SENP5: variants seen among roughly 807,000 people sequenced by gnomAD.
The protein encoded by SENP5 is sentrin-specific protease 5.
A neutral mutation model predicts 74.2 loss-of-function variants in SENP5; 21 were observed. The ratio of observed to expected loss-of-function variants is 0.28; its 90% CI spans 0.20 to 0.41. The LOEUF is 0.41. Among genes scored for constraint, SENP5 ranks in the 10% least tolerant of loss-of-function variants. The pLI is 1.00. For missense variants in SENP5, 717 were observed against 889.1 expected, an observed-to-expected ratio of 0.81 and a Z score of 2.46; for synonymous variants, 311 against 312.7, an observed-to-expected ratio of 0.99 and a Z score of 0.06.
intron 7 of SENP5, among the ~76,000 whole-genome samples, chr3:196,924,638 G>A (rs533403516): frequency 2.0e-5 from 3 of 152,106 alleles, no homozygotes; most frequent in Non-Finnish European, 4.4e-5. Context: ...TGTATAAATT[G>A]ATACAGCCGC....
intron 1 of SENP5, among the ~76,000 whole-genome samples, chr3:196,882,963 T>A (rs1282106723): frequency 6.6e-6 from 1 of 150,752 alleles, no homozygotes; most frequent in Non-Finnish European, 1.5e-5. Flanking sequence ...AGTTATAGTC[T>A]CCAGAAAAGA....
Position 196,910,564 on chromosome 3 carries a change from T to G in SENP5, c.1884+6954T>G, listed in dbSNP as rs200239754. Among the ~76,000 whole-genome samples, 6 of 151,912 alleles carry G rather than the reference T, an allele frequency of 3.9e-5. No individual in the cohort carries two copies. The East Asian group carries it at 9.7e-4, about 25-fold the overall frequency. On this transcript the variant is annotated intron_variant, in intron 6 of 9. Coordinates refer to ENST00000323460, the MANE Select transcript of SENP5 (RefSeq NM_152699.5). ...GGTTTCGCCGTGTTAGCCAGGATGGTCTCGATGTCCTGACCTCGTGATCCG... is the reference window on the plus strand; with the variant it reads ...GGTTTCGCCGTGTTAGCCAGGATGGGCTCGATGTCCTGACCTCGTGATCCG...
At chr3:196,927,186 T>C (rs1715846238) in intron 7 of SENP5, among the ~76,000 whole-genome samples, 1 of 152,236 alleles carries the variant, frequency 6.6e-6, no homozygotes, top group Non-Finnish European at 1.5e-5. Context: ...ATAAGGAGTG[T>C]ATCAGAATAT....
chr3:196,901,109 G>A (rs1272552975), intron 5 of SENP5, among the ~76,000 whole-genome samples: 3 of 148,234 alleles, frequency 2.0e-5, no homozygotes, highest in African/African-American at 7.5e-5. Flanking sequence ...GTAGTGGCGT[G>A]GTCTTGGCTC....
At chr3:196,872,196 C>T (rs943437492) in intron 1 of SENP5, among the ~76,000 whole-genome samples, 1 of 152,178 alleles carries the variant, frequency 6.6e-6, no homozygotes, top group Admixed American at 6.5e-5. Context: ...TGTAAACCTT[C>T]TATTTCCCTT....
chr3:196,868,439 G>A (rs1045387587), intron 1 of SENP5, among the ~76,000 whole-genome samples: 2 of 152,246 alleles, frequency 1.3e-5, no homozygotes, highest in African/African-American at 2.4e-5. Context: ...TATTTGCTTA[G>A]ACCGCTCTGC....
At chr3:196,910,390 A>C (rs1243527728) in intron 6 of SENP5, among the ~76,000 whole-genome samples, 2 of 109,900 alleles carry the variant, frequency 1.8e-5, no homozygotes, top group East Asian at 3.0e-4. Context: ...TCCATTGCCC[A>C]GGCTGGAATG....
At chr3:196,890,366 A>G (rs1369767684) in intron 2 of SENP5, among the ~76,000 whole-genome samples, 2 of 152,212 alleles carry the variant, frequency 1.3e-5, no homozygotes, top group East Asian at 3.9e-4. Flanking sequence ...CTCTAATATG[A>G]CTGCACATTA....
chr3:196,889,061 A>C (rs1446240381), intron 2 of SENP5, among the ~76,000 whole-genome samples: 2 of 152,060 alleles, frequency 1.3e-5, no homozygotes, highest in Admixed American at 6.6e-5. Flanking sequence ...GCTTGCATTG[A>C]GCTGAGATCG....
chr3:196,875,533 TCTAAGTGTTA>T (rs967841948), intron 1 of SENP5, among the ~76,000 whole-genome samples: 46 of 152,282 alleles, frequency 3.0e-4, no homozygotes, highest in African/African-American at 9.9e-4. Context: ...CTTCCGTGCC[TCTAAGTGTTA>T]CTGAAGTTCT....
In SENP5 at chr3:196,932,088, C is replaced by A. The variant is rs144527502; in HGVS notation, c.*1165C>A. On this transcript the variant is annotated 3_prime_UTR_variant, in exon 10 of 10. Coordinates refer to ENST00000323460, the MANE Select transcript of SENP5 (RefSeq NM_152699.5). ...CAGCTGTTCTTCTCCTTCTGTTGAA[C>A]CTCATCTTCTGAAGAAAGGCCAAGT... is the stretch of plus-strand genomic sequence containing the variant. The A allele has an allele frequency of 4.0e-6, 1 of 251,452 alleles. No individual in the cohort carries two copies. The highest frequency in any genetic ancestry group is 1.5e-4 in the East Asian group (1 of 6,634). The allele number at this position is 251,452 out of a possible 1,614,324, so 15.6% of individuals were successfully genotyped here. A position where few individuals can be genotyped will look rare whatever the true frequency, so the allele number is the denominator to read the frequency against.
chr3:196,890,314 T>TA (rs1451264940), intron 2 of SENP5, among the ~76,000 whole-genome samples: 1 of 152,230 alleles, frequency 6.6e-6, no homozygotes, highest in Non-Finnish European at 1.5e-5. Context: ...TCTACAACAT[T>TA]AGCCACTATT....
intron 2 of SENP5, among the ~76,000 whole-genome samples, chr3:196,892,036 T>C (rs1326960093): frequency 6.6e-6 from 1 of 151,990 alleles, no homozygotes; most frequent in Non-Finnish European, 1.5e-5. Flanking sequence ...ATGATCCACC[T>C]GCCTCAGCCT....
intron 1 of SENP5, among the ~76,000 whole-genome samples, chr3:196,868,437 T>C (rs1381534192): frequency 6.6e-6 from 1 of 152,248 alleles, no homozygotes; most frequent in Non-Finnish European, 1.5e-5. Flanking sequence ...TTTATTTGCT[T>C]AGACCGCTCT....
In SENP5 at chr3:196,886,589, C is replaced by A; in HGVS notation, c.1408C>A (p.Pro470Thr). 6.2e-7 allele frequency: 1 copy of A among 1,613,750 alleles called. No individual in the cohort carries two copies. Among genetic ancestry groups the A allele is most frequent in the African/African-American group, 1.3e-5 (1 of 75,028 alleles). The change falls in exon 2 of 10, where the codon CCC (proline) becomes ACC (threonine). Residue 470 changes from proline to threonine, a missense_variant. By Grantham distance (38) the Pro-to-Thr change is conservative. This residue lies in a region of SENP5 where 567 missense variants were observed against 577.4 expected (regional missense o/e 0.98). Transcript: ENST00000323460. Reference protein sequence around the residue: ...HPYCKSPLEAPLVCSGLKLEN... With the variant: ...HPYCKSPLEATLVCSGLKLEN... ...TTACTGTAAAAGTCCACTGGAGGCT[C>A]CCTTGGTGTGCAGTGGACTCAAACT...
At chr3:196,890,766 G>A (rs1201502164) in intron 2 of SENP5, among the ~76,000 whole-genome samples, 1 of 152,186 alleles carries the variant, frequency 6.6e-6, no homozygotes, top group Admixed American at 6.5e-5. Context: ...TGAAAAGAAA[G>A]GTCTGAGTCT....
chr3:196,877,007 C>G (rs1299560820), intron 1 of SENP5, among the ~76,000 whole-genome samples: 1 of 151,750 alleles, frequency 6.6e-6, no homozygotes, highest in Non-Finnish European at 1.5e-5. Context: ...ACCCACATTG[C>G]TTACTTTTTA....
intron 6 of SENP5, among the ~76,000 whole-genome samples, chr3:196,906,224 AAG>A (rs573556914): frequency 0.011 from 1,618 of 152,222 alleles, 19 homozygotes; most frequent in African/African-American, 0.031. Flanking sequence ...TCTAAAAAAA[AAG>A]AAAAAAAGAC....
intron 9 of SENP5, among the ~76,000 whole-genome samples, chr3:196,930,094 T>A (rs1218916333): frequency 6.6e-6 from 1 of 152,000 alleles, no homozygotes; most frequent in Non-Finnish European, 1.5e-5. Context: ...GTGCTGTAGA[T>A]CTCCTTAGAG....
Sources: allele counts gnomAD v4.1 joint callset (sites outside exome capture counted in the v4.1 genomes callset), GRCh38; gene constraint gnomAD v4.1.1; regional missense constraint gnomAD v4.1.1; transcripts MANE v1.5; gene names NCBI Gene and HGNC (gene_info 2026-07-23, HGNC 2026-07-21).